Variants in QKI observed in about 807,000 individuals in gnomAD.
The protein encoded by QKI is KH domain-containing RNA-binding protein QKI.
A neutral mutation model predicts 39.0 loss-of-function variants in QKI; 10 were observed. The ratio of observed to expected loss-of-function variants is 0.26; its 90% CI spans 0.16 to 0.43. The LOEUF is 0.43. QKI is among the 20% of genes least tolerant of loss of function. The pLI is 1.00. For synonymous variants in QKI, 204 were observed against 155.4 expected (o/e 1.31, Z -2.33); for missense variants, 218 against 428.0 (o/e 0.51, Z 4.33).
intron 3 of QKI, among the ~76,000 whole-genome samples, chr6:163,526,813 G>A (rs1019702605): frequency 1.3e-5 from 2 of 152,090 alleles, no homozygotes; most frequent in African/African-American, 4.8e-5. Context: ...TTTGGTCATC[G>A]TGGGGCCAGA....
intron 4 of QKI, among the ~76,000 whole-genome samples, chr6:163,540,000 CAT>C (rs1722031996): frequency 6.6e-6 from 1 of 151,024 alleles, no homozygotes; most frequent in Non-Finnish European, 1.5e-5. Context: ...ACTTACGTAA[CAT>C]GAGATACTTT....
chr6:163,465,977 A>C (rs1397993061), intron 2 of QKI, among the ~76,000 whole-genome samples: 1 of 151,726 alleles, frequency 6.6e-6, no homozygotes, highest in Non-Finnish European at 1.5e-5. Context: ...TACAAAAAAA[A>C]CAACTGGGTG....
At chr6:163,453,224 CAG>C (rs1240619524) in intron 1 of QKI, among the ~76,000 whole-genome samples, 4 of 151,562 alleles carry the variant, frequency 2.6e-5, no homozygotes, top group African/African-American at 4.8e-5. Flanking sequence ...TTCTTGCACT[CAG>C]GGTATAAATT....
At chr6:163,497,288 T>C (rs1778467274) in intron 3 of QKI, among the ~76,000 whole-genome samples, 1 of 152,186 alleles carries the variant, frequency 6.6e-6, no homozygotes, top group African/African-American at 2.4e-5. Flanking sequence ...TCTTAAATTC[T>C]TTTGGAAATT....
rs987313579 is a variant in QKI, at chr6:163,566,166, A to G, written c.935-555A>G. The G allele has an allele frequency of 1.9e-5, 27 of 1,386,222 alleles. No individual in the cohort carries two copies. In the East Asian group the frequency reaches 5.0e-4, roughly 26 times the overall value. The allele number at this position is 1,386,222 out of a possible 1,614,324, so 85.9% of individuals were successfully genotyped here. A position where few individuals can be genotyped will look rare whatever the true frequency, so the allele number is the denominator to read the frequency against. Reference sequence around the variant, plus strand: ...ATATTACACAGTAATGGTAATTTATAAAGGAGTGTATAGTAGTATACTGAC... The same window carrying G: ...ATATTACACAGTAATGGTAATTTATGAAGGAGTGTATAGTAGTATACTGAC... On this transcript the variant is annotated intron_variant, in intron 6 of 7. Coordinates refer to ENST00000361752, the MANE Select transcript of QKI (RefSeq NM_006775.3).
At chr6:163,459,243 T>C (rs1042843845) in intron 2 of QKI, among the ~76,000 whole-genome samples, 1 of 152,246 alleles carries the variant, frequency 6.6e-6, no homozygotes, top group Non-Finnish European at 1.5e-5. Context: ...TAAGCAGGTA[T>C]AAGGCGTCTG....
chr6:163,448,065 A>G (rs1233641679), intron 1 of QKI, among the ~76,000 whole-genome samples: 2 of 152,200 alleles, frequency 1.3e-5, no homozygotes, highest in Non-Finnish European at 2.9e-5. Context: ...CGTGTGTGCA[A>G]CTTACTGTTA....
chr6:163,526,853 T>G (rs921409330), intron 3 of QKI, among the ~76,000 whole-genome samples: 1 of 152,168 alleles, frequency 6.6e-6, no homozygotes, highest in African/African-American at 2.4e-5. Flanking sequence ...TGGGGTTATA[T>G]AAATTTAGTT....
chr6:163,445,903 C>T (rs746542211), intron 1 of QKI, among the ~76,000 whole-genome samples: 1 of 152,166 alleles, frequency 6.6e-6, no homozygotes, highest in Admixed American at 6.5e-5. Flanking sequence ...CGTGAGCCAT[C>T]GAGCCCGACC....
In QKI at chr6:163,456,781, A is replaced by G. The variant is rs535750625; in HGVS notation, c.285+1360A>G. Among the ~76,000 whole-genome samples, 53 of 152,278 alleles carry G rather than the reference A, an allele frequency of 3.5e-4. 1 individual carries two copies. The highest frequency in any genetic ancestry group is 1.3e-3 in the African/African-American group (53 of 41,564). ...TTGAGTAACACAGAGGATTAAAGGA[A>G]TAGTTGGAAAACAAAGTGCCATGTT... On this transcript the variant is annotated intron_variant, in intron 2 of 7. Transcript: ENST00000361752.
intron 1 of QKI, among the ~76,000 whole-genome samples, chr6:163,444,882 C>T (rs1582999631): frequency 6.6e-6 from 1 of 151,884 alleles, no homozygotes; most frequent in Admixed American, 6.6e-5. Context: ...ATAAATAACC[C>T]CAAAGTCCAA....
intron 2 of QKI, among the ~76,000 whole-genome samples, chr6:163,465,197 CTA>C (rs1421840730): frequency 6.6e-6 from 1 of 152,114 alleles, no homozygotes; most frequent in Non-Finnish European, 1.5e-5. Context: ...ATAATAAAGG[CTA>C]TGTGTGACAG....
At chr6:163,465,630 A>G (rs1287654570) in intron 2 of QKI, among the ~76,000 whole-genome samples, 1 of 150,950 alleles carries the variant, frequency 6.6e-6, no homozygotes, top group Non-Finnish European at 1.5e-5. Context: ...CTGTCTCAAA[A>G]AAAAAAAAAA....
chr6:163,514,433 C>CT (rs1361313071), intron 3 of QKI, among the ~76,000 whole-genome samples: 1 of 152,036 alleles, frequency 6.6e-6, no homozygotes, highest in Non-Finnish European at 1.5e-5. Context: ...GAAATCCTAA[C>CT]TTTTTTTCTG....
chr6:163,511,321 A>C (rs1269892238), intron 3 of QKI, among the ~76,000 whole-genome samples: 5 of 152,150 alleles, frequency 3.3e-5, no homozygotes, highest in East Asian at 3.8e-4. Flanking sequence ...TTTAAAGAAA[A>C]CAGCAAGGTA....
At chr6:163,535,190 AT>A (rs1235019371) in intron 4 of QKI, 65 bp downstream of exon 4, 10 of 1,457,004 alleles carry the variant, frequency 6.9e-6, no homozygotes, top group Non-Finnish European at 6.4e-6. Context: ...ATTTTAAATT[AT>A]CGTAATGTTT....
At chr6:163,545,848 ATATT>A (rs1009938103) in intron 4 of QKI, among the ~76,000 whole-genome samples, 14 of 151,742 alleles carry the variant, frequency 9.2e-5, no homozygotes, top group African/African-American at 3.1e-4. Context: ...ATTAAATTAA[ATATT>A]TATACCCTAG....
Position 163,574,230 on chromosome 6 carries a change from A to G in QKI, c.*3520A>G, listed in dbSNP as rs927581753. On this transcript the variant is annotated 3_prime_UTR_variant, in exon 8 of 8. Coordinates refer to ENST00000361752, the MANE Select transcript of QKI (RefSeq NM_006775.3). The stretch of plus-strand genomic sequence containing the variant: ...AGAAACCAGTTTGATTCTTTGTTGA[A>G]CCATTTCTTTTAATTTCTGTAAATA... 1 of 152,148 alleles carries G rather than the reference A, an allele frequency of 6.6e-6. No homozygotes were observed. Among genetic ancestry groups the G allele is most frequent in the Admixed American group, 6.6e-5 (1 of 15,252 alleles). 9.4% of individuals were successfully genotyped at this position (152,148 alleles called of 1,614,324 possible).
chr6:163,577,423 T>C lies in QKI; in HGVS notation c.*6713T>C, dbSNP rs1384528474. 1 of 151,932 alleles carries C rather than the reference T, an allele frequency of 6.6e-6. No individual in the cohort carries two copies. Among genetic ancestry groups the C allele is most frequent in the Non-Finnish European group, 1.5e-5 (1 of 68,002 alleles). The allele number at this position is 151,932 out of a possible 1,614,324, so 9.4% of individuals were successfully genotyped here. A position where few individuals can be genotyped will look rare whatever the true frequency, so the allele number is the denominator to read the frequency against. ...AAAAAAAAAAAAGTCTGATTGCCCA[T>C]ATTAGATTTTTTTTTTAATTCTTCA... On this transcript the variant is annotated 3_prime_UTR_variant, in exon 8 of 8. Transcript: ENST00000361752.
Sources: gnomAD v4.1 joint callset for allele counts (sites outside exome capture counted in the v4.1 genomes callset) on GRCh38, gnomAD v4.1.1 for gene constraint, MANE v1.5 for transcripts, NCBI Gene and HGNC (gene_info 2026-07-23, HGNC 2026-07-21) for gene names.